The following CUX1 variants were observed in gnomAD, a reference collection of about 807,000 sequenced individuals.
CUX1 encodes protein CASP.
CUX1 carries 31 observed loss-of-function variants against 158.8 expected under a neutral mutation model. The observed-to-expected ratio is 0.20, with a 90% CI of 0.15 to 0.26. The LOEUF (loss-of-function observed/expected upper bound fraction) is 0.26. Ranked by LOEUF, CUX1 falls within the 10% of genes least tolerant of loss-of-function variation. The probability of loss-of-function intolerance (pLI) is 1.00; values close to 1 mark genes in which losing one functional copy is unlikely to be tolerated. For missense variants in CUX1, 1,589 were observed against 2,014.6 expected (o/e 0.79, Z 4.04); for synonymous variants, 879 against 862.1 (o/e 1.02, Z -0.34).
In CUX1 at chr7:102,170,569, G is replaced by C; in HGVS notation, c.828+19G>C. 1 of 1,537,814 alleles carries C rather than the reference G, an allele frequency of 6.5e-7. No homozygotes were observed. The highest frequency in any genetic ancestry group is 8.8e-7 in the Non-Finnish European group (1 of 1,132,152). On this transcript the variant is annotated intron_variant, in intron 10 of 23. Transcript: ENST00000292535. ...AGACGTGGTGGGTAGCCCCGGCCCC[G>C]TGGGGGACTGTCCCCGCCTGGCCTC... is the stretch of plus-strand genomic sequence containing the variant.
At chr7:101,907,190 C>T (rs548140244) in intron 1 of CUX1, among the ~76,000 whole-genome samples, 25 of 152,272 alleles carry the variant, frequency 1.6e-4, no homozygotes, top group Admixed American at 5.9e-4. Context: ...CTGCAAGATT[C>T]TCCTTTAAAT....
intron 1 of CUX1, among the ~76,000 whole-genome samples, chr7:101,879,358 C>T (rs1799481784): frequency 6.6e-6 from 1 of 152,000 alleles, no homozygotes; most frequent in African/African-American, 2.4e-5. Context: ...AAAGAGTGGT[C>T]TACTCTAAAA....
chr7:102,281,645 A>G (rs1286487537), intron 20 of CUX1, among the ~76,000 whole-genome samples: 1 of 151,738 alleles, frequency 6.6e-6, no homozygotes, highest in Non-Finnish European at 1.5e-5. Flanking sequence ...CCTGGGCGAC[A>G]GAGGGAGACT....
At chr7:101,980,953 C>T (rs1483967375) in intron 2 of CUX1, among the ~76,000 whole-genome samples, 2 of 152,232 alleles carry the variant, frequency 1.3e-5, no homozygotes, top group Non-Finnish European at 2.9e-5. Context: ...CTTTAGCTAC[C>T]GAGTCACATG....
At chr7:102,216,949 T>C (rs1797289834) in intron 20 of CUX1, among the ~76,000 whole-genome samples, 1 of 152,170 alleles carries the variant, frequency 6.6e-6, no homozygotes, top group African/African-American at 2.4e-5. Flanking sequence ...GCAATTTAAC[T>C]AGAGGCTTTG....
At chr7:102,216,584 C>A (rs1369964097) in intron 20 of CUX1, among the ~76,000 whole-genome samples, 5 of 55,452 alleles carry the variant, frequency 9.0e-5, no homozygotes, top group African/African-American at 2.2e-4. Flanking sequence ...ACACACTCTC[C>A]CACACACACA....
chr7:101,818,025 C>T (rs1160671508), intron 1 of CUX1, among the ~76,000 whole-genome samples: 1 of 152,202 alleles, frequency 6.6e-6, no homozygotes, highest in African/African-American at 2.4e-5. Context: ...GTTTTCTGCT[C>T]TTGCCTACTA....
chr7:102,062,094 G>A (rs1009324340), intron 3 of CUX1, among the ~76,000 whole-genome samples: 1 of 152,210 alleles, frequency 6.6e-6, no homozygotes, highest in Admixed American at 6.5e-5. Flanking sequence ...TTGCAGCAGA[G>A]GGAGGGAGCA....
chr7:101,937,214 G>C (rs1322804801), intron 2 of CUX1, among the ~76,000 whole-genome samples: 1 of 152,162 alleles, frequency 6.6e-6, no homozygotes, highest in Non-Finnish European at 1.5e-5. Context: ...CGGGATGTCA[G>C]CACCCCAGCC....
chr7:102,168,112 A>C (rs550434109), intron 9 of CUX1, among the ~76,000 whole-genome samples: 5 of 152,014 alleles, frequency 3.3e-5, no homozygotes, highest in Admixed American at 1.3e-4. Flanking sequence ...CCAGTTGATT[A>C]ATTAGCATGA....
chr7:101,836,930 G>T (rs1794701735), intron 1 of CUX1, among the ~76,000 whole-genome samples: 1 of 152,174 alleles, frequency 6.6e-6, no homozygotes, highest in Non-Finnish European at 1.5e-5. Flanking sequence ...GGCCCTCGAT[G>T]GCTCTGAGTG....
At chr7:101,986,319 G>T (rs1418106022) in intron 2 of CUX1, among the ~76,000 whole-genome samples, 1 of 152,106 alleles carries the variant, frequency 6.6e-6, no homozygotes, top group African/African-American at 2.4e-5. Context: ...CCTTTTTTGG[G>T]CTGTGACCCA....
chr7:102,251,243 A>C lies in CUX1; in HGVS notation c.*2201A>C. 3.8e-6 allele frequency: 3 copies of C among 789,224 alleles called. No individual in the cohort carries two copies. The highest frequency in any genetic ancestry group is 3.0e-6 in the Non-Finnish European group (2 of 670,500). 48.9% of individuals were successfully genotyped at this position (789,224 alleles called of 1,614,324 possible). On this transcript the variant is annotated 3_prime_UTR_variant, in exon 24 of 24. Coordinates refer to ENST00000292535, the MANE Select transcript of CUX1 (RefSeq NM_181552.4). ...TTTAATTAATATTACTTTTTTTTTTATTTGGGGGGTGGGAGGGAGTTATAA... is the reference window on the plus strand; with the variant it reads ...TTTAATTAATATTACTTTTTTTTTTCTTTGGGGGGTGGGAGGGAGTTATAA...
intron 8 of CUX1, among the ~76,000 whole-genome samples, chr7:102,145,346 G>A (rs1427080149): frequency 6.6e-6 from 1 of 151,816 alleles, no homozygotes; most frequent in Non-Finnish European, 1.5e-5. Flanking sequence ...CTGAAAATTT[G>A]TGGTTGAATC....
At chr7:102,067,634 T>G (rs546451418) in intron 3 of CUX1, among the ~76,000 whole-genome samples, 13 of 152,160 alleles carry the variant, frequency 8.5e-5, no homozygotes, top group Admixed American at 2.0e-4. Context: ...CAATTATACT[T>G]TTAAATTTTT....
At chr7:102,085,626 T>A (rs1355342074) in intron 4 of CUX1, among the ~76,000 whole-genome samples, 1 of 152,192 alleles carries the variant, frequency 6.6e-6, no homozygotes, top group African/African-American at 2.4e-5. Flanking sequence ...CAACTGTGAG[T>A]CAAGTAAACC....
At chr7:101,998,493 C>T (rs1360285189) in intron 2 of CUX1, among the ~76,000 whole-genome samples, 2 of 152,204 alleles carry the variant, frequency 1.3e-5, no homozygotes, top group African/African-American at 4.8e-5. Context: ...CCCCAGCCAT[C>T]GCTTCTCAGC....
intron 8 of CUX1, among the ~76,000 whole-genome samples, chr7:102,133,132 C>T (rs1169262595): frequency 6.6e-6 from 1 of 152,126 alleles, no homozygotes; most frequent in Admixed American, 6.6e-5. Context: ...AAAATCTCTC[C>T]GTGGCACCCT....
chr7:101,925,938 A>AAAACAAAC (rs140430768), intron 2 of CUX1, among the ~76,000 whole-genome samples: 1 of 151,452 alleles, frequency 6.6e-6, no homozygotes, highest in Non-Finnish European at 1.5e-5. Flanking sequence ...CCCCCGTCTC[A>AAAACAAAC]AAACAAACAA....
Sources: allele counts gnomAD v4.1 joint callset (sites outside exome capture counted in the v4.1 genomes callset), GRCh38; gene constraint gnomAD v4.1.1; transcripts MANE v1.5; gene names NCBI Gene and HGNC (gene_info 2026-07-23, HGNC 2026-07-21).